The following DSCAML1 variants were observed in gnomAD, a reference collection of about 807,000 sequenced individuals.
DSCAML1 encodes the protein cell adhesion molecule DSCAML1.
A neutral mutation model predicts 200.5 loss-of-function variants in DSCAML1; 38 were observed. That is an observed-to-expected ratio of 0.19 (90% CI 0.15 to 0.25). The LOEUF (loss-of-function observed/expected upper bound fraction) is 0.25. Ranked by LOEUF, DSCAML1 falls within the 10% of genes least tolerant of loss-of-function variation. DSCAML1 has a pLI of 1.00. For missense variants in DSCAML1, 2,223 were observed against 2,858.8 expected, an observed-to-expected ratio of 0.78 and a Z score of 5.07; for synonymous variants, 1,215 against 1,165.0, an observed-to-expected ratio of 1.04 and a Z score of -0.87.
intron 8 of DSCAML1, among the ~76,000 whole-genome samples, chr11:117,506,462 C>T (rs2049499326): frequency 6.6e-6 from 1 of 152,022 alleles, no homozygotes; most frequent in Non-Finnish European, 1.5e-5. Context: ...ATGGTCTGCT[C>T]CTCAAGTCCA....
At chr11:117,542,248 A>G (rs1307482571) in intron 3 of DSCAML1, among the ~76,000 whole-genome samples, 1 of 152,182 alleles carries the variant, frequency 6.6e-6, no homozygotes, top group Non-Finnish European at 1.5e-5. Context: ...GTGAGCCGAG[A>G]TCGCATGACT....
chr11:117,447,866 A>T (rs1345235582), intron 20 of DSCAML1, among the ~76,000 whole-genome samples: 1 of 152,218 alleles, frequency 6.6e-6, no homozygotes, highest in African/African-American at 2.4e-5. Context: ...TGTCTTTCAT[A>T]AATGAGTTTG....
At chr11:117,455,562 G>A (rs572399964) in intron 19 of DSCAML1, among the ~76,000 whole-genome samples, 12 of 152,320 alleles carry the variant, frequency 7.9e-5, no homozygotes, top group African/African-American at 1.9e-4. Flanking sequence ...CTGAAACCAC[G>A]CTCAGACTGA....
intron 18 of DSCAML1, among the ~76,000 whole-genome samples, chr11:117,461,005 T>A (rs554693575): frequency 6.6e-6 from 1 of 152,152 alleles, no homozygotes; most frequent in South Asian, 2.1e-4. Context: ...ATCGCCCCAT[T>A]TGAGTGTACC....
At chr11:117,753,345 T>C (rs550986784) in intron 3 of DSCAML1, among the ~76,000 whole-genome samples, 1 of 152,276 alleles carries the variant, frequency 6.6e-6, no homozygotes, top group African/African-American at 2.4e-5. Flanking sequence ...GGTCCCGCAT[T>C]CTTCTCCTCC....
At chr11:117,814,579 A>G (rs897170258) in intron 1 of DSCAML1, among the ~76,000 whole-genome samples, 1 of 152,218 alleles carries the variant, frequency 6.6e-6, no homozygotes, top group African/African-American at 2.4e-5. Flanking sequence ...CTCAGTAAAC[A>G]TGTATGGAGG....
chr11:117,550,456 G>A (rs2050448430), intron 3 of DSCAML1, among the ~76,000 whole-genome samples: 1 of 142,626 alleles, frequency 7.0e-6, no homozygotes, highest in South Asian at 2.1e-4. Flanking sequence ...TGTCTGGCCT[G>A]AAAGCCCAGT....
At chr11:117,431,375 C>T (rs1447975746) in intron 31 of DSCAML1, among the ~76,000 whole-genome samples, 159 bp downstream of exon 31, 2 of 152,140 alleles carry the variant, frequency 1.3e-5, no homozygotes, top group African/African-American at 4.8e-5. Context: ...TGTTTTTGTC[C>T]CAGCTGCACA....
At chr11:117,568,188 A>G (rs1812292270) in intron 3 of DSCAML1, among the ~76,000 whole-genome samples, 2 of 152,228 alleles carry the variant, frequency 1.3e-5, no homozygotes, top group South Asian at 4.1e-4. Flanking sequence ...TCCTGCTAAA[A>G]ACTCTCAATA....
intron 20 of DSCAML1, among the ~76,000 whole-genome samples, chr11:117,447,718 A>G (rs1565688808): frequency 6.6e-6 from 1 of 152,186 alleles, no homozygotes. Context: ...TGCCACAGGT[A>G]TGGTTCATCC....
At chr11:117,682,666 T>C (rs1429550885) in intron 3 of DSCAML1, among the ~76,000 whole-genome samples, 1 of 150,870 alleles carries the variant, frequency 6.6e-6, no homozygotes, top group Non-Finnish European at 1.5e-5. Context: ...AAAAGGATTC[T>C]TCCAAGGGAG....
intron 3 of DSCAML1, among the ~76,000 whole-genome samples, chr11:117,685,912 C>A (rs1460470400): frequency 1.3e-5 from 2 of 152,160 alleles, no homozygotes; most frequent in Non-Finnish European, 2.9e-5. Flanking sequence ...ATTTGAGGCT[C>A]ATTTTTGGAA....
At chr11:117,446,982 C>T (rs2048191868) in intron 20 of DSCAML1, among the ~76,000 whole-genome samples, 1 of 152,200 alleles carries the variant, frequency 6.6e-6, no homozygotes, top group Non-Finnish European at 1.5e-5. Flanking sequence ...TCTGTATAAA[C>T]AGCCACTCAA....
intron 3 of DSCAML1, among the ~76,000 whole-genome samples, chr11:117,541,724 T>C (rs2050272441): frequency 1.3e-5 from 2 of 152,178 alleles, no homozygotes; most frequent in African/African-American, 2.4e-5. Context: ...GGTGGTCTTA[T>C]CTTAGTGAGG....
intron 19 of DSCAML1, among the ~76,000 whole-genome samples, chr11:117,452,864 A>G (rs1445055473): frequency 6.6e-6 from 1 of 152,180 alleles, no homozygotes; most frequent in Non-Finnish European, 1.5e-5. Context: ...TTCTCAGACA[A>G]TGCAATGACC....
At chr11:117,535,312 C>G (rs1443436034) in intron 3 of DSCAML1, among the ~76,000 whole-genome samples, 1 of 152,252 alleles carries the variant, frequency 6.6e-6, no homozygotes, top group Admixed American at 6.5e-5. Context: ...GGGCCAGAGT[C>G]TGGAACTTCC....
chr11:117,792,384 G>C (rs765513156), intron 1 of DSCAML1, among the ~76,000 whole-genome samples: 1 of 152,058 alleles, frequency 6.6e-6, no homozygotes, highest in Non-Finnish European at 1.5e-5. Flanking sequence ...GGCTCGCTGG[G>C]AGGGGCCACT....
chr11:117,777,727 C>T (rs1452709775), intron 2 of DSCAML1, among the ~76,000 whole-genome samples: 2 of 152,142 alleles, frequency 1.3e-5, no homozygotes, highest in African/African-American at 4.8e-5. Flanking sequence ...CCTTCCCCCA[C>T]CGTGCCCACC....
intron 1 of DSCAML1, among the ~76,000 whole-genome samples, chr11:117,805,058 T>C (rs535226236): frequency 9.2e-5 from 14 of 152,354 alleles, no homozygotes; most frequent in Admixed American, 2.6e-4. Context: ...CAATGTTTTG[T>C]TGGATTTCCT....
Sources: allele counts gnomAD v4.1 joint callset (sites outside exome capture counted in the v4.1 genomes callset), GRCh38; gene constraint gnomAD v4.1.1; transcripts MANE v1.5; gene names NCBI Gene and HGNC (gene_info 2026-07-23, HGNC 2026-07-21).